The following KLRF1 variants were observed in gnomAD, a reference collection of about 807,000 sequenced individuals.
KLRF1 encodes the protein killer cell lectin like receptor F1.
KLRF1 carries 27 observed loss-of-function variants against 30.7 expected under a neutral mutation model. That is an observed-to-expected ratio of 0.88 (90% CI 0.65 to 1.21). KLRF1 has a LOEUF of 1.21. KLRF1 is among the 50% of genes most tolerant of loss of function. KLRF1 has a pLI of 0.00. For synonymous variants in KLRF1, 92 were observed against 89.3 expected, an observed-to-expected ratio of 1.03 and a Z score of -0.17; for missense variants, 246 against 259.3, an observed-to-expected ratio of 0.95 and a Z score of 0.35.
At chr12:9,825,135 G>A (rs556342562), upstream of KLRF1, among the ~76,000 whole-genome samples, 126 of 151,794 alleles carry the variant, frequency 8.3e-4, no homozygotes, top group Middle Eastern at 6.8e-3. Context: ...AATTCATCTG[G>A]AACAGAAAAA....
At chr12:9,811,319 C>CAAAAAAAAAA in the KLRF1 span, among the ~76,000 whole-genome samples, 46 of 62,090 alleles carry the variant, frequency 7.4e-4, 1 homozygote, top group African/African-American at 2.5e-3. Flanking sequence ...AGAAGTAGTC[C>CAAAAAAAAAA]AAAAAAAAAA....
At chr12:9,838,492 T>C (rs1385174696) in intron 3 of KLRF1, among the ~76,000 whole-genome samples, 5 of 152,134 alleles carry the variant, frequency 3.3e-5, no homozygotes, top group Admixed American at 6.6e-5. Context: ...GAAATGGACC[T>C]TCTCAGTCAG....
intron 5 of KLRF1, among the ~76,000 whole-genome samples, chr12:9,844,011 A>C (rs1415993016): frequency 1.3e-5 from 2 of 152,166 alleles, no homozygotes; most frequent in Non-Finnish European, 2.9e-5. Context: ...AGTTCTTTAC[A>C]AACCTCAATT....
chr12:9,813,366 G>GTA, the KLRF1 span, among the ~76,000 whole-genome samples: 1 of 151,980 alleles, frequency 6.6e-6, no homozygotes, highest in South Asian at 2.1e-4. Flanking sequence ...GAGTGCGGTG[G>GTA]TATGATCAGG....
At chr12:9,817,875 A>T in the KLRF1 span, 60 of 190,464 alleles carry the variant, frequency 3.2e-4, no homozygotes, top group Admixed American at 6.2e-4. Flanking sequence ...TCTCACCAAG[A>T]TCATGCTCAA....
chr12:9,823,071 A>G (rs1411438055), upstream of KLRF1, among the ~76,000 whole-genome samples: 1 of 152,188 alleles, frequency 6.6e-6, no homozygotes, highest in Non-Finnish European at 1.5e-5. Context: ...AAAGATATTC[A>G]GAACCTGAAC....
Position 9,844,442 on chromosome 12 carries a change from A to G in KLRF1, c.612A>G (p.Lys204=). 1.2e-6 allele frequency: 2 copies of G among 1,605,682 alleles called. No homozygotes were observed. The highest frequency in any genetic ancestry group is 1.7e-6 in the Non-Finnish European group (2 of 1,172,990). ...GATTCTTCATAAAGGGACCAGCTAA[A>G]GAAAACAGCTGTGCTGCCATTAAGG... ...SKIFFIKGPA[K]ENSCAAIKES... The change falls in exon 6 of 6, where the codon AAA becomes AAG. Residue 204 remains lysine, a synonymous_variant. Coordinates refer to ENST00000617889, the MANE Select transcript of KLRF1 (RefSeq NM_016523.3).
the KLRF1 span, among the ~76,000 whole-genome samples, chr12:9,800,078 A>G: frequency 6.6e-6 from 1 of 152,048 alleles, no homozygotes; most frequent in Non-Finnish European, 1.5e-5. Context: ...TGTGGACATA[A>G]GTTGTCGACT....
chr12:9,824,862 A>T (rs1171449154), upstream of KLRF1, among the ~76,000 whole-genome samples: 1 of 152,178 alleles, frequency 6.6e-6, no homozygotes, highest in Admixed American at 6.5e-5. Context: ...ATGCAATTCC[A>T]TTTATGATAG....
the KLRF1 span, among the ~76,000 whole-genome samples, chr12:9,803,650 A>AT: frequency 7.2e-5 from 11 of 151,954 alleles, no homozygotes; most frequent in African/African-American, 2.4e-4. Context: ...TCTTCTTCTT[A>AT]TTTTTTGCTT....
At chr12:9,834,802 A>G (rs749085518) in intron 3 of KLRF1, among the ~76,000 whole-genome samples, 2 of 152,242 alleles carry the variant, frequency 1.3e-5, no homozygotes, top group African/African-American at 4.8e-5. Flanking sequence ...GTTGTCATAC[A>G]CCAGGCCAGA....
At chr12:9,808,833 T>C in the KLRF1 span, among the ~76,000 whole-genome samples, 1 of 152,126 alleles carries the variant, frequency 6.6e-6, no homozygotes, top group Non-Finnish European at 1.5e-5. Context: ...TGGAAAACAA[T>C]GAATGTATCA....
At chr12:9,835,841 A>G (rs1047195153) in intron 3 of KLRF1, among the ~76,000 whole-genome samples, 2 of 152,046 alleles carry the variant, frequency 1.3e-5, no homozygotes, top group African/African-American at 4.8e-5. Context: ...TAGAGTTGAT[A>G]TAAGGAGAAA....
At chr12:9,801,563 C>T in the KLRF1 span, among the ~76,000 whole-genome samples, 1 of 151,986 alleles carries the variant, frequency 6.6e-6, no homozygotes, top group Non-Finnish European at 1.5e-5. Context: ...GATGGTATCT[C>T]ATTGTGGTTT....
At chr12:9,835,535 G>A (rs779211017) in intron 3 of KLRF1, among the ~76,000 whole-genome samples, 6 of 152,210 alleles carry the variant, frequency 3.9e-5, no homozygotes, top group African/African-American at 1.2e-4. Flanking sequence ...CAAGGGGAAG[G>A]TAGCCGAGGA....
intron 3 of KLRF1, among the ~76,000 whole-genome samples, chr12:9,841,465 A>G (rs1288402649): frequency 6.6e-6 from 1 of 151,944 alleles, no homozygotes; most frequent in African/African-American, 2.4e-5. Context: ...CTTAAAAGTT[A>G]AAAAAAACCT....
chr12:9,823,791 A>G (rs888517222), upstream of KLRF1, among the ~76,000 whole-genome samples: 1 of 152,074 alleles, frequency 6.6e-6, no homozygotes, highest in African/African-American at 2.4e-5. Context: ...AGAAACTACA[A>G]TGGGGATGGT....
intron 5 of KLRF1, among the ~76,000 whole-genome samples, chr12:9,843,232 G>A (rs187131967): frequency 1.7e-4 from 26 of 152,260 alleles, no homozygotes; most frequent in Admixed American, 5.9e-4. Flanking sequence ...GCCAAGGCAC[G>A]CAGGTGGCCT....
chr12:9,844,581 G>T lies in KLRF1; in HGVS notation c.*55G>T, dbSNP rs1867772621. ...AATGATCACTATTTTTGGCCTATTA[G>T]TTTCTAATATTAATCTCCAGGTGTA... On this transcript the variant is annotated 3_prime_UTR_variant, in exon 6 of 6. Coordinates refer to ENST00000617889, the MANE Select transcript of KLRF1 (RefSeq NM_016523.3). The T allele has an allele frequency of 1.1e-6, 1 of 930,452 alleles. No homozygotes were observed. Among genetic ancestry groups the T allele is most frequent in the Non-Finnish European group, 1.7e-6 (1 of 588,648 alleles). 57.6% of individuals were successfully genotyped at this position (930,452 alleles called of 1,614,324 possible).
Sources: gnomAD v4.1 joint callset for allele counts (sites outside exome capture counted in the v4.1 genomes callset) on GRCh38, gnomAD v4.1.1 for gene constraint, MANE v1.5 for transcripts, NCBI Gene and HGNC (gene_info 2026-07-23, HGNC 2026-07-21) for gene names.